The following LCT variants were observed in gnomAD, a reference collection of about 807,000 sequenced individuals.
LCT encodes the protein lactase/phlorizin hydrolase.
A neutral mutation model predicts 173.0 loss-of-function variants in LCT; 90 were observed. That is an observed-to-expected ratio of 0.52 (90% CI 0.44 to 0.62). The LOEUF (loss-of-function observed/expected upper bound fraction) is 0.62. Ranked by LOEUF, LCT falls within the 20% of genes least tolerant of loss-of-function variation. The pLI, the probability that LCT is intolerant of heterozygous loss-of-function variation, is 0.00. For missense variants in LCT, 1,864 were observed against 2,431.4 expected (o/e 0.77, Z 4.91); for synonymous variants, 853 against 957.6 (o/e 0.89, Z 2.02).
In LCT at chr2:135,823,888, A is replaced by G. The variant is rs756532518; in HGVS notation, c.907+13T>C. 6.4e-7 allele frequency: 1 copy of G among 1,560,278 alleles called. No individual in the cohort carries two copies. Among genetic ancestry groups the G allele is most frequent in the Non-Finnish European group, 8.8e-7 (1 of 1,130,942 alleles). ...GATGTCACTCAAAACCTCTTCAGCA[A>G]TGGCCCACTCACCTTCAAAAAGGCT... On this transcript the variant is annotated intron_variant, in intron 4 of 16. Transcript: ENST00000264162.
At chr2:135,834,679 T>C (rs982404424) in intron 1 of LCT, among the ~76,000 whole-genome samples, 1 of 143,954 alleles carries the variant, frequency 6.9e-6, no homozygotes, top group Non-Finnish European at 1.5e-5. Flanking sequence ...TCCCAGCTAC[T>C]GGGAAGGCTG....
chr2:135,824,749 T>A (rs1023726920), intron 3 of LCT, among the ~76,000 whole-genome samples: 8 of 152,178 alleles, frequency 5.3e-5, no homozygotes, highest in Admixed American at 5.2e-4. Flanking sequence ...ACGCCTATAA[T>A]CCCAGCACTT....
Position 135,800,607 on chromosome 2 carries a change from C to A in LCT, c.4866G>T (p.Gln1622His), listed in dbSNP as rs758746759. The A allele has an allele frequency of 1.2e-6, 2 of 1,611,242 alleles. No individual in the cohort carries two copies. The highest frequency in any genetic ancestry group is 1.7e-6 in the Non-Finnish European group (2 of 1,179,170). Residue 1622 changes from glutamine to histidine, a missense_variant and splice_region_variant, in exon 12 of 17, where the codon CAG (glutamine) becomes CAT (histidine). This residue lies in a region of LCT where 514 missense variants were observed against 750.1 expected (regional missense o/e 0.69). Coordinates refer to ENST00000264162, the MANE Select transcript of LCT (RefSeq NM_002299.4). ...ACAAGCGCCCAGAGGAAAAACAGACCTGAACATATCTCCTGGCTGCCTCCA... is the reference window on the plus strand; with the variant it reads ...ACAAGCGCCCAGAGGAAAAACAGACATGAACATATCTCCTGGCTGCCTCCA... ...EDVEAARRYV[Q>H]FMGGWFAHPI...
chr2:135,801,885 T>C (rs1412656553), intron 11 of LCT, among the ~76,000 whole-genome samples: 3 of 152,174 alleles, frequency 2.0e-5, no homozygotes, highest in East Asian at 2.0e-4. Context: ...ATGATTATTT[T>C]TGAGACAGGG....
intron 1 of LCT, among the ~76,000 whole-genome samples, chr2:135,834,956 CTG>C (rs1253108283): frequency 6.6e-6 from 1 of 151,922 alleles, no homozygotes; most frequent in Non-Finnish European, 1.5e-5. Flanking sequence ...AATTTTATAA[CTG>C]TTCGTATAAA....
intron 4 of LCT, among the ~76,000 whole-genome samples, chr2:135,823,578 G>A (rs1384700324): frequency 6.6e-6 from 1 of 152,182 alleles, no homozygotes; most frequent in African/African-American, 2.4e-5. Flanking sequence ...GAGCAGAGAT[G>A]AGAGACCTTG....
At chr2:135,827,116 T>G (rs1030811243) in intron 3 of LCT, among the ~76,000 whole-genome samples, 3 of 152,134 alleles carry the variant, frequency 2.0e-5, no homozygotes, top group Non-Finnish European at 4.4e-5. Flanking sequence ...GGAGCTGGGA[T>G]TACAGGTTCG....
intron 9 of LCT, among the ~76,000 whole-genome samples, chr2:135,805,771 T>C (rs1337946219): frequency 6.6e-6 from 1 of 152,176 alleles, no homozygotes; most frequent in Non-Finnish European, 1.5e-5. Flanking sequence ...GCTGAAACAT[T>C]CCTATTGCCT....
At chr2:135,814,844 T>A (rs539597854) in intron 6 of LCT, among the ~76,000 whole-genome samples, 1 of 152,292 alleles carries the variant, frequency 6.6e-6, no homozygotes, top group South Asian at 2.1e-4. Flanking sequence ...AATTTTTTCC[T>A]TAATAGTTGC....
At chr2:135,804,235 T>C (rs1458119689) in intron 10 of LCT, 107 bp from the exon 11 acceptor site, 2 of 907,350 alleles carry the variant, frequency 2.2e-6, no homozygotes, top group Middle Eastern at 3.2e-4. Context: ...GAGTGACTTA[T>C]GAGACAAAAA....
At chr2:135,791,843 T>C (rs1285044236) in intron 14 of LCT, among the ~76,000 whole-genome samples, 1 of 152,098 alleles carries the variant, frequency 6.6e-6, no homozygotes, top group Non-Finnish European at 1.5e-5. Flanking sequence ...AGATGCTTGA[T>C]GGAAAAGGAA....
At chr2:135,831,461 C>T (rs1356613893) in intron 2 of LCT, among the ~76,000 whole-genome samples, 1 of 152,152 alleles carries the variant, frequency 6.6e-6, no homozygotes, top group Non-Finnish European at 1.5e-5. Context: ...TGTGGCTTCC[C>T]AGCAGGTAAC....
chr2:135,826,377 T>G (rs1575347661), intron 3 of LCT, among the ~76,000 whole-genome samples: 2 of 134,238 alleles, frequency 1.5e-5, no homozygotes, highest in African/African-American at 2.9e-5. Flanking sequence ...GCCAACATGG[T>G]GAAACACTGT....
chr2:135,792,019 A>G (rs188591387), intron 14 of LCT, among the ~76,000 whole-genome samples: 1 of 152,238 alleles, frequency 6.6e-6, no homozygotes, highest in African/African-American at 2.4e-5. Context: ...CCTTTGAAAG[A>G]AGCAGAATGC....
chr2:135,823,501 C>T (rs1178085616), intron 4 of LCT, among the ~76,000 whole-genome samples: 1 of 152,144 alleles, frequency 6.6e-6, no homozygotes. Flanking sequence ...ATAATGGGGA[C>T]ATGGAACAAG....
In LCT at chr2:135,798,149, G is replaced by A; in HGVS notation, c.4867-11C>T. On this transcript the variant is annotated splice_polypyrimidine_tract_variant and intron_variant, in intron 12 of 16. Transcript: ENST00000264162. ...CCAGCCTCCCATGAACTGCGGGTAG[G>A]GTGGGGGAGACAGCCCAGGCGTTAC... The A allele has an allele frequency of 6.8e-7, 1 of 1,460,812 alleles. No homozygotes were observed. Among genetic ancestry groups the A allele is most frequent in the East Asian group, 2.3e-5 (1 of 44,340 alleles). The allele number at this position is 1,460,812 out of a possible 1,614,324, so 90.5% of individuals were successfully genotyped here. A position where few individuals can be genotyped will look rare whatever the true frequency, so the allele number is the denominator to read the frequency against.
intron 13 of LCT, 102 bp downstream of exon 13, chr2:135,797,927 C>T: frequency 1.3e-6 from 1 of 773,042 alleles, no homozygotes; most frequent in East Asian, 2.4e-5. Context: ...TCACATGTAA[C>T]TTCCCAGCAA....
chr2:135,823,545 G>T (rs1023583590), intron 4 of LCT, among the ~76,000 whole-genome samples: 1 of 152,196 alleles, frequency 6.6e-6, no homozygotes, highest in Non-Finnish European at 1.5e-5. Context: ...AGAGAGACGG[G>T]CAGAGGAAAG....
intron 11 of LCT, among the ~76,000 whole-genome samples, chr2:135,802,292 C>T (rs1037116548): frequency 1.3e-5 from 2 of 152,182 alleles, no homozygotes; most frequent in African/African-American, 4.8e-5. Context: ...CTGGATGGTT[C>T]TCAAGGCACA....
Sources: gnomAD v4.1 joint callset for allele counts (sites outside exome capture counted in the v4.1 genomes callset) on GRCh38, gnomAD v4.1.1 for gene constraint, gnomAD v4.1.1 regional missense constraint, MANE v1.5 for transcripts, NCBI Gene and HGNC (gene_info 2026-07-23, HGNC 2026-07-21) for gene names.